Variants in WASHC5 observed in about 807,000 individuals in gnomAD.
WASHC5 encodes WASH complex subunit strumpellin.
WASHC5 carries 101 observed loss-of-function variants against 150.4 expected under a neutral mutation model. The ratio of observed to expected loss-of-function variants is 0.67; its 90% CI spans 0.57 to 0.79. The LOEUF is 0.79. WASHC5 is among the 30% of genes least tolerant of loss of function. The pLI is 0.00. For synonymous variants in WASHC5, 467 were observed against 491.2 expected (o/e 0.95, Z 0.65); for missense variants, 1,195 against 1,396.3 (o/e 0.86, Z 2.30).
intron 1 of WASHC5, among the ~76,000 whole-genome samples, chr8:125,089,851 T>C (rs1817543855): frequency 6.6e-6 from 1 of 152,216 alleles, no homozygotes; most frequent in African/African-American, 2.4e-5. Flanking sequence ...TAACCAAATA[T>C]GTTCGGCAAT....
chr8:125,069,559 T>G (rs1165000059), intron 9 of WASHC5, among the ~76,000 whole-genome samples: 1 of 152,202 alleles, frequency 6.6e-6, no homozygotes, highest in Non-Finnish European at 1.5e-5. Flanking sequence ...GTTGTATAGA[T>G]ATATGTATAT....
At chr8:125,057,714 T>C (rs769759218) in intron 14 of WASHC5, 48 bp from the exon 15 acceptor site, 31 of 1,195,052 alleles carry the variant, frequency 2.6e-5, no homozygotes, top group Non-Finnish European at 3.6e-5. Context: ...AAAAGAGTCC[T>C]AGAAATCTTT....
intron 1 of WASHC5, among the ~76,000 whole-genome samples, chr8:125,086,439 C>T (rs1282844919): frequency 6.6e-6 from 1 of 152,134 alleles, no homozygotes; most frequent in Non-Finnish European, 1.5e-5. Context: ...CAAGCCTGGC[C>T]CTCCTTTGTA....
intron 18 of WASHC5, among the ~76,000 whole-genome samples, chr8:125,049,627 A>G (rs1816180017): frequency 6.6e-6 from 1 of 151,748 alleles, no homozygotes; most frequent in African/African-American, 2.4e-5. Flanking sequence ...TGGGTGGATC[A>G]CTTGAGGTCA....
At position 125,047,026 on chromosome 8, in the gene WASHC5, G is replaced by A. The variant is rs555816219; in HGVS notation, c.2504+181C>T. ...CTTGCTGTGCGGTCAGGTTCCTCACGAGTGACAGACCGGTATCAGTCTGCA... is the reference window on the plus strand; with the variant it reads ...CTTGCTGTGCGGTCAGGTTCCTCACAAGTGACAGACCGGTATCAGTCTGCA... On this transcript the variant is annotated intron_variant, in intron 20 of 28. Coordinates refer to ENST00000318410, the MANE Select transcript of WASHC5 (RefSeq NM_014846.4). Among the ~76,000 whole-genome samples, 178 of 152,254 alleles carry A rather than the reference G, an allele frequency of 1.2e-3. 1 individual carries two copies. Among genetic ancestry groups the A allele is most frequent in the Admixed American group, 1.8e-3 (27 of 15,306 alleles).
intron 16 of WASHC5, 100 bp from the exon 17 acceptor site, chr8:125,055,771 C>T: frequency 1.2e-6 from 1 of 800,636 alleles, no homozygotes. Flanking sequence ...ACACCTGTGT[C>T]CACATATTCT....
At chr8:125,058,034 G>A (rs1816465389) in intron 14 of WASHC5, among the ~76,000 whole-genome samples, 1 of 151,740 alleles carries the variant, frequency 6.6e-6, no homozygotes, top group Non-Finnish European at 1.5e-5. Context: ...CCACAGAAAA[G>A]AGCTACTCCT....
chr8:125,068,949 G>T (rs1042340897), intron 9 of WASHC5, among the ~76,000 whole-genome samples: 2 of 152,198 alleles, frequency 1.3e-5, no homozygotes, highest in Non-Finnish European at 2.9e-5. Flanking sequence ...GGTTTATAAG[G>T]CCAATTACTT....
At chr8:125,032,431 T>C in intron 26 of WASHC5, 37 bp from the exon 27 acceptor site, 1 of 1,610,892 alleles carries the variant, frequency 6.2e-7, no homozygotes, top group Admixed American at 1.7e-5. Flanking sequence ...TATGAAGTAC[T>C]TGCCTTCAGC....
chr8:125,052,704 A>C (rs1816281402), intron 17 of WASHC5, among the ~76,000 whole-genome samples: 1 of 151,476 alleles, frequency 6.6e-6, no homozygotes, highest in African/African-American at 2.4e-5. Flanking sequence ...TCCAGTACTA[A>C]ATTCTTTTTG....
At chr8:125,064,633 TA>T (rs1816696480) in intron 10 of WASHC5, among the ~76,000 whole-genome samples, 1 of 151,856 alleles carries the variant, frequency 6.6e-6, no homozygotes, top group African/African-American at 2.4e-5. Flanking sequence ...GAAACAAACT[TA>T]AAAAACATAC....
intron 16 of WASHC5, 61 bp from the exon 17 acceptor site, chr8:125,055,732 A>G: frequency 9.8e-7 from 1 of 1,025,294 alleles, no homozygotes; most frequent in Non-Finnish European, 1.6e-6. Context: ...ATGAACAAAG[A>G]TAACAGGAAA....
intron 1 of WASHC5, among the ~76,000 whole-genome samples, chr8:125,087,738 A>C (rs1427458977): frequency 6.6e-6 from 1 of 152,040 alleles, no homozygotes; most frequent in Non-Finnish European, 1.5e-5. Context: ...CTCAAAAAAA[A>C]AAAAAAAAAA....
intron 26 of WASHC5, among the ~76,000 whole-genome samples, chr8:125,034,551 T>A (rs577617164): frequency 6.6e-6 from 1 of 151,826 alleles, no homozygotes; most frequent in African/African-American, 2.4e-5. Context: ...CGCCACCAAA[T>A]AATGGCGAGG....
chr8:125,072,297 C>T (rs1371053910), intron 9 of WASHC5, among the ~76,000 whole-genome samples: 2 of 131,906 alleles, frequency 1.5e-5, no homozygotes, highest in Non-Finnish European at 3.0e-5. Context: ...TGAGATTGTG[C>T]CACTGCACTC....
intron 1 of WASHC5, among the ~76,000 whole-genome samples, chr8:125,084,283 T>C (rs1236389521): frequency 6.6e-6 from 1 of 152,238 alleles, no homozygotes; most frequent in Non-Finnish European, 1.5e-5. Context: ...ATCTCTGTGC[T>C]AGGGAGAAGG....
intron 23 of WASHC5, among the ~76,000 whole-genome samples, chr8:125,040,507 C>A (rs921684818): frequency 1.3e-5 from 2 of 152,056 alleles, no homozygotes; most frequent in African/African-American, 4.8e-5. Flanking sequence ...TTTGGCTGTG[C>A]CCCCACCCAA....
intron 1 of WASHC5, among the ~76,000 whole-genome samples, chr8:125,089,462 T>C (rs1817529557): frequency 6.6e-6 from 1 of 152,190 alleles, no homozygotes; most frequent in South Asian, 2.1e-4. Context: ...TTGGGGCACA[T>C]TCAAAGCCAT....
intron 18 of WASHC5, among the ~76,000 whole-genome samples, chr8:125,049,390 C>G (rs1816170442): frequency 1.4e-5 from 2 of 147,470 alleles, no homozygotes; most frequent in Non-Finnish European, 1.5e-5. Flanking sequence ...GAAACCCTGA[C>G]TCTACTAAAA....
Sources: allele counts gnomAD v4.1 joint callset (sites outside exome capture counted in the v4.1 genomes callset), GRCh38; gene constraint gnomAD v4.1.1; transcripts MANE v1.5; gene names NCBI Gene and HGNC (gene_info 2026-07-23, HGNC 2026-07-21).